DCT: variants seen among roughly 807,000 people sequenced by gnomAD.
The protein encoded by DCT is dopachrome tautomerase.
A neutral mutation model predicts 53.0 loss-of-function variants in DCT; 47 were observed. That is an observed-to-expected ratio of 0.89 (90% CI 0.70 to 1.13). The LOEUF is 1.13. Ranked by LOEUF, DCT falls within the 50% of genes most tolerant of loss-of-function variation. The pLI is 0.00. For missense variants in DCT, 669 were observed against 637.4 expected (o/e 1.05, Z -0.53); for synonymous variants, 244 against 237.0 (o/e 1.03, Z -0.27).
At chr13:94,464,852 G>A (rs2139337760) in intron 4 of DCT, among the ~76,000 whole-genome samples, 1 of 152,240 alleles carries the variant, frequency 6.6e-6, no homozygotes, top group South Asian at 2.1e-4. Context: ...TCTTTAGTAT[G>A]TCACAGATCA....
the DCT span, among the ~76,000 whole-genome samples, chr13:94,507,191 T>G: frequency 6.6e-6 from 1 of 152,172 alleles, no homozygotes; most frequent in Non-Finnish European, 1.5e-5. Context: ...TGAGTAAATA[T>G]CATTGTATCA....
intron 6 of DCT, chr13:94,444,384 T>A (rs763305226): frequency 3.5e-5 from 18 of 517,636 alleles, no homozygotes; most frequent in Admixed American, 3.3e-4. Flanking sequence ...TTCTGTCTAC[T>A]CATTTCATAA....
chr13:94,445,534 A>G (rs942817336), intron 6 of DCT, among the ~76,000 whole-genome samples: 2 of 152,220 alleles, frequency 1.3e-5, no homozygotes, highest in Non-Finnish European at 2.9e-5. Context: ...AGCTGCACTG[A>G]AAGATGCTAG....
the DCT span, among the ~76,000 whole-genome samples, chr13:94,495,348 C>A: frequency 2.0e-5 from 3 of 152,120 alleles, no homozygotes; most frequent in African/African-American, 7.2e-5. Context: ...CCACTCAGCT[C>A]GGCCTCTCCA....
chr13:94,513,037 C>A, the DCT span, among the ~76,000 whole-genome samples: 1 of 152,156 alleles, frequency 6.6e-6, no homozygotes, highest in Non-Finnish European at 1.5e-5. Context: ...TTTCAGAGAA[C>A]GTGCCATTCT....
the DCT span, among the ~76,000 whole-genome samples, chr13:94,530,499 G>A: frequency 2.0e-5 from 3 of 152,014 alleles, no homozygotes; most frequent in African/African-American, 4.8e-5. Context: ...GCAAATCAAC[G>A]AACGTAATCC....
the DCT span, among the ~76,000 whole-genome samples, chr13:94,543,466 T>G: frequency 2.0e-5 from 3 of 152,174 alleles, no homozygotes; most frequent in Non-Finnish European, 4.4e-5. Context: ...ATGGATACTT[T>G]CCTGTAACAC....
At chr13:94,499,488 T>C in the DCT span, among the ~76,000 whole-genome samples, 97,633 of 151,486 alleles carry the variant, frequency 0.64, 31,656 homozygotes, top group African/African-American at 0.69. Flanking sequence ...GTGTGCGTTC[T>C]CTCCAAAGCA....
chr13:94,521,971 A>G, the DCT span, among the ~76,000 whole-genome samples: 2 of 152,222 alleles, frequency 1.3e-5, no homozygotes, highest in Non-Finnish European at 2.9e-5. Context: ...TGGACATTTC[A>G]TATCAATGGA....
At chr13:94,492,652 C>T in the DCT span, among the ~76,000 whole-genome samples, 2 of 152,034 alleles carry the variant, frequency 1.3e-5, no homozygotes, top group African/African-American at 4.8e-5. Context: ...AATCAAACCC[C>T]CAAATTTGAG....
At chr13:94,501,634 C>CAGAGAG in the DCT span, among the ~76,000 whole-genome samples, 19 of 148,708 alleles carry the variant, frequency 1.3e-4, no homozygotes, top group Middle Eastern at 3.4e-3. Context: ...AAGACAGAGA[C>CAGAGAG]AGAGAGAGAG....
chr13:94,473,032 A>C (rs1229137397), intron 1 of DCT, among the ~76,000 whole-genome samples: 1 of 152,138 alleles, frequency 6.6e-6, no homozygotes, highest in East Asian at 1.9e-4. Flanking sequence ...TCTGTATCTG[A>C]AGGGCCTAGT....
At chr13:94,451,273 C>A (rs971534767) in intron 6 of DCT, among the ~76,000 whole-genome samples, 1 of 152,204 alleles carries the variant, frequency 6.6e-6, no homozygotes, top group Non-Finnish European at 1.5e-5. Context: ...AAAGCAATGA[C>A]TATCATTTCA....
chr13:94,539,803 G>A, the DCT span, among the ~76,000 whole-genome samples: 1 of 150,788 alleles, frequency 6.6e-6, no homozygotes, highest in Non-Finnish European at 1.5e-5. Context: ...GTTTAGAATC[G>A]GTGAGAAAAA....
the DCT span, among the ~76,000 whole-genome samples, chr13:94,517,948 A>G: frequency 2.6e-5 from 4 of 152,120 alleles, no homozygotes; most frequent in Non-Finnish European, 5.9e-5. Flanking sequence ...CACCCCATTG[A>G]AGATGATTTC....
chr13:94,539,118 T>C, the DCT span, among the ~76,000 whole-genome samples: 1 of 152,202 alleles, frequency 6.6e-6, no homozygotes, highest in African/African-American at 2.4e-5. Flanking sequence ...TACTAGAACA[T>C]GAAAATTCTT....
At chr13:94,541,059 T>C in the DCT span, among the ~76,000 whole-genome samples, 8 of 152,142 alleles carry the variant, frequency 5.3e-5, no homozygotes, top group Admixed American at 1.3e-4. Flanking sequence ...GCAACCCATG[T>C]TTGCACTCAT....
In DCT at chr13:94,455,785, G is replaced by C. The variant is rs538835361; in HGVS notation, c.1179+4306C>G. Among the ~76,000 whole-genome samples the C allele has an allele frequency of 3.9e-5, 6 of 152,320 alleles. No homozygotes were observed. In the East Asian group the frequency reaches 1.2e-3, roughly 29 times the overall value. On this transcript the variant is annotated intron_variant, in intron 6 of 7. Transcript: ENST00000377028. ...CAAATTACTAGCATCATTTTTAATA[G>C]GAGAGAAAGAGTTGGGGTATAATCC...
At chr13:94,487,809 A>T in the DCT span, among the ~76,000 whole-genome samples, 2 of 151,382 alleles carry the variant, frequency 1.3e-5, no homozygotes, top group Non-Finnish European at 2.9e-5. Flanking sequence ...TTTCCCTGTG[A>T]CCAAGTTGTT....
Sources: allele counts gnomAD v4.1 joint callset (sites outside exome capture counted in the v4.1 genomes callset), GRCh38; gene constraint gnomAD v4.1.1; transcripts MANE v1.5; gene names NCBI Gene and HGNC (gene_info 2026-07-23, HGNC 2026-07-21).